The following KANK1 variants were observed in gnomAD, a reference collection of about 807,000 sequenced individuals.
The protein encoded by KANK1 is KN motif and ankyrin repeat domains 1.
In KANK1, 109 loss-of-function variants were observed where a neutral mutation model predicts 106.2. The ratio of observed to expected loss-of-function variants is 1.03; its 90% CI spans 0.88 to 1.20. The LOEUF is 1.20. Ranked by LOEUF, KANK1 falls within the 50% of genes most tolerant of loss-of-function variation. The pLI is 0.00. For synonymous variants in KANK1, 873 were observed against 652.2 expected (o/e 1.34, Z -5.16); for missense variants, 2,399 against 1,710.7 (o/e 1.40, Z -7.10).
At chr9:726,496 A>G (rs1589225932) in intron 3 of KANK1, among the ~76,000 whole-genome samples, 2 of 152,174 alleles carry the variant, frequency 1.3e-5, no homozygotes, top group African/African-American at 4.8e-5. Context: ...AAAATTAGCT[A>G]GGCATGGTGG....
At chr9:503,001 ATTTTTT>A (rs35195436), upstream of KANK1, among the ~76,000 whole-genome samples, 491 of 70,242 alleles carry the variant, frequency 7.0e-3, 8 homozygotes, top group African/African-American at 0.02. Flanking sequence ...CGCCCAGCTG[ATTTTTT>A]TTTTTTTTTT....
chr9:542,269 G>A (rs573294104), intron 1 of KANK1, among the ~76,000 whole-genome samples: 2 of 152,356 alleles, frequency 1.3e-5, no homozygotes, highest in South Asian at 2.1e-4. Context: ...GGAGGCCGAG[G>A]CAGGCAGATC....
In KANK1 at chr9:655,834, C is replaced by G. The variant is rs77967556; in HGVS notation, c.-83-21056C>G. On this transcript the variant is annotated intron_variant, in intron 1 of 11. Coordinates refer to ENST00000382297, the MANE Select transcript of KANK1 (RefSeq NM_015158.5). ...TAAAACGTTTTGTTTTTGCTTCTCCCTACCTGCTTACTCAGAGTTTCAATC... is the reference window on the plus strand; with the variant it reads ...TAAAACGTTTTGTTTTTGCTTCTCCGTACCTGCTTACTCAGAGTTTCAATC... 2.9e-3 allele frequency among the ~76,000 whole-genome samples: 435 copies of G among 152,312 alleles called. 1 individual carries two copies. Among genetic ancestry groups the G allele is most frequent in the African/African-American group, 0.01 (423 of 41,564 alleles).
chr9:617,428 T>C (rs1832109385), intron 1 of KANK1, among the ~76,000 whole-genome samples: 1 of 152,198 alleles, frequency 6.6e-6, no homozygotes, highest in Non-Finnish European at 1.5e-5. Context: ...AAATGTTAGC[T>C]CATGTTCACA....
chr9:607,125 T>C (rs1829401402), intron 1 of KANK1, among the ~76,000 whole-genome samples: 2 of 151,934 alleles, frequency 1.3e-5, no homozygotes, highest in South Asian at 4.1e-4. Context: ...CCTCAATTCC[T>C]TTGCATGCTT....
chr9:642,106 C>T (rs1838594341), intron 1 of KANK1, among the ~76,000 whole-genome samples: 1 of 152,202 alleles, frequency 6.6e-6, no homozygotes, highest in South Asian at 2.1e-4. Flanking sequence ...AAAGCTTGAG[C>T]TCACATGAAC....
chr9:603,124 C>T (rs1432193854), intron 1 of KANK1, among the ~76,000 whole-genome samples: 1 of 151,702 alleles, frequency 6.6e-6, no homozygotes, highest in Non-Finnish European at 1.5e-5. Context: ...AGATTTATAT[C>T]AGGATTTGAA....
At chr9:509,232 G>C (rs1488335901) in intron 1 of KANK1, among the ~76,000 whole-genome samples, 1 of 152,110 alleles carries the variant, frequency 6.6e-6, no homozygotes, top group Admixed American at 6.6e-5. Context: ...CGATTAGCTG[G>C]AACTACAGGC....
chr9:574,627 C>T (rs1216886195), intron 1 of KANK1, among the ~76,000 whole-genome samples: 6 of 151,768 alleles, frequency 4.0e-5, no homozygotes, highest in Non-Finnish European at 8.8e-5. Flanking sequence ...GAGGCTGAGG[C>T]GGGTGGATCC....
At position 645,698 on chromosome 9, in the gene KANK1, G is replaced by A. The variant is rs996544602; in HGVS notation, c.-83-31192G>A. On this transcript the variant is annotated intron_variant, in intron 1 of 11. Transcript: ENST00000382297. ...GGAGTTCGAAACCAGCCTGGCCAAC[G>A]TGGTGAAACCCCATTTCTACTAAAA... Among the ~76,000 whole-genome samples the A allele has an allele frequency of 2.1e-4, 32 of 150,644 alleles. 1 individual carries two copies. The highest frequency in any genetic ancestry group is 5.9e-4 in the Admixed American group (9 of 15,218).
At chr9:730,575 C>T in intron 4 of KANK1, 1 of 325,104 alleles carries the variant, frequency 3.1e-6, no homozygotes, top group Non-Finnish European at 5.9e-6. Context: ...CACCTGTAGT[C>T]CCAGCTACTC....
intron 1 of KANK1, among the ~76,000 whole-genome samples, chr9:538,612 A>G (rs2060429123): frequency 6.6e-6 from 1 of 152,214 alleles, no homozygotes; most frequent in African/African-American, 2.4e-5. Context: ...GTGGGTTTCA[A>G]CAGCGTGGTG....
At chr9:611,565 G>T (rs1329755553) in intron 1 of KANK1, among the ~76,000 whole-genome samples, 2 of 152,138 alleles carry the variant, frequency 1.3e-5, no homozygotes, top group Non-Finnish European at 2.9e-5. Flanking sequence ...TAATAACATA[G>T]GTATGTCGAT....
At chr9:716,230 C>G (rs1474059504) in intron 3 of KANK1, among the ~76,000 whole-genome samples, 1 of 152,218 alleles carries the variant, frequency 6.6e-6, no homozygotes, top group Non-Finnish European at 1.5e-5. Flanking sequence ...TTCTCTGTCA[C>G]TAGAACAGAT....
intron 1 of KANK1, among the ~76,000 whole-genome samples, chr9:517,555 T>G (rs990303070): frequency 4.6e-5 from 7 of 151,666 alleles, no homozygotes; most frequent in African/African-American, 1.5e-4. Flanking sequence ...GAAGCCTTTT[T>G]TTTCCTTTAG....
intron 1 of KANK1, among the ~76,000 whole-genome samples, chr9:651,477 G>A (rs996826994): frequency 6.6e-6 from 1 of 152,144 alleles, no homozygotes; most frequent in African/African-American, 2.4e-5. Context: ...TTTTCCCTAA[G>A]CATCTGCATG....
chr9:529,635 G>A (rs990233026), intron 1 of KANK1, among the ~76,000 whole-genome samples: 2 of 152,108 alleles, frequency 1.3e-5, no homozygotes, highest in Non-Finnish European at 2.9e-5. Context: ...CCATGTGGAG[G>A]TATGGGTTTC....
At chr9:536,619 T>C (rs2060313938) in intron 1 of KANK1, among the ~76,000 whole-genome samples, 1 of 152,222 alleles carries the variant, frequency 6.6e-6, no homozygotes, top group African/African-American at 2.4e-5. Flanking sequence ...CCCATCTTTC[T>C]GTCTCTGACC....
chr9:573,428 C>T (rs989004653), intron 1 of KANK1, among the ~76,000 whole-genome samples: 1 of 152,200 alleles, frequency 6.6e-6, no homozygotes, highest in East Asian at 1.9e-4. Context: ...CGCCACCACG[C>T]GTGGCTAATT....
Sources: allele counts gnomAD v4.1 joint callset (sites outside exome capture counted in the v4.1 genomes callset), GRCh38; gene constraint gnomAD v4.1.1; transcripts MANE v1.5; gene names NCBI Gene and HGNC (gene_info 2026-07-23, HGNC 2026-07-21).